WDR72: variants seen among roughly 807,000 people sequenced by gnomAD.
The protein encoded by WDR72 is WD repeat domain 72.
WDR72 carries 120 observed loss-of-function variants against 124.2 expected under a neutral mutation model. The observed-to-expected ratio is 0.97, with a 90% confidence interval of 0.83 to 1.12. WDR72 has a LOEUF of 1.12. WDR72 is among the 50% of genes most tolerant of loss of function. The probability of loss-of-function intolerance (pLI) is 0.00; values close to 1 mark genes in which losing one functional copy is unlikely to be tolerated. For missense variants in WDR72, 1,387 were observed against 1,278.8 expected (o/e 1.08, Z -1.29); for synonymous variants, 452 against 441.7 (o/e 1.02, Z -0.29).
intron 12 of WDR72, among the ~76,000 whole-genome samples, 189 bp downstream of exon 12, chr15:53,701,942 TATA>T (rs937548219): frequency 6.6e-6 from 1 of 152,148 alleles, no homozygotes; most frequent in Admixed American, 6.5e-5. Flanking sequence ...TAATGTAAGT[TATA>T]ATAATACTAC....
chr15:53,571,950 G>T (rs769470333), intron 18 of WDR72, among the ~76,000 whole-genome samples: 8 of 151,934 alleles, frequency 5.3e-5, no homozygotes, highest in Non-Finnish European at 1.2e-4. Context: ...GTTTTGACTT[G>T]CAATTCCCTG....
chr15:53,563,267 C>T lies in WDR72; in HGVS notation c.3148+33812G>A, dbSNP rs1246902944. Reference sequence around the variant, plus strand: ...TTATGATTTAAAGTTAACAAGCAGACTAATTTATTAAATTGGAAATTAGGT... The same window carrying T: ...TTATGATTTAAAGTTAACAAGCAGATTAATTTATTAAATTGGAAATTAGGT... On this transcript the variant is annotated intron_variant, in intron 18 of 19. Coordinates refer to ENST00000360509, the MANE Select transcript of WDR72 (RefSeq NM_182758.4). 2.0e-5 allele frequency among the ~76,000 whole-genome samples: 3 copies of T among 151,646 alleles called. No homozygotes were observed. In the East Asian group the frequency reaches 5.8e-4, roughly 29 times the overall value.
Position 53,733,172 on chromosome 15 carries a change from A to C in WDR72, c.-12-11T>G, listed in dbSNP as rs759244974. 22 of 1,613,166 alleles carry C rather than the reference A, an allele frequency of 1.4e-5. No individual in the cohort carries two copies. The highest frequency in any genetic ancestry group is 1.8e-5 in the Non-Finnish European group (21 of 1,179,864). On this transcript the variant is annotated splice_polypyrimidine_tract_variant and intron_variant, in intron 1 of 19. Transcript: ENST00000360509. ...CATTTTGGGCGAATCCTGACATACA[A>C]AGAAGGGAAGAAGCATACATGGTCA... is the stretch of plus-strand genomic sequence containing the variant.
rs7179406 is a variant in WDR72, at chr15:53,731,377, C to T, written c.153+1620G>A. Among the ~76,000 whole-genome samples, 6 of 152,036 alleles carry T rather than the reference C, an allele frequency of 3.9e-5. No individual in the cohort carries two copies. The East Asian group carries it at 1.2e-3, about 30-fold the overall frequency. Reference sequence around the variant, plus strand: ...TCACCAATCTAATTCCTATTCCCAGCCCATATCTCTATCCCTGGATTTCTC... The same window carrying T: ...TCACCAATCTAATTCCTATTCCCAGTCCATATCTCTATCCCTGGATTTCTC... On this transcript the variant is annotated intron_variant, in intron 2 of 19. Coordinates refer to ENST00000360509, the MANE Select transcript of WDR72 (RefSeq NM_182758.4).
At chr15:53,570,152 A>G (rs1378319634) in intron 18 of WDR72, among the ~76,000 whole-genome samples, 1 of 152,096 alleles carries the variant, frequency 6.6e-6, no homozygotes, top group East Asian at 1.9e-4. Flanking sequence ...ATTTTAAGTG[A>G]CAAATAAAAA....
At chr15:53,641,658 A>G (rs2014855434) in intron 14 of WDR72, among the ~76,000 whole-genome samples, 1 of 151,840 alleles carries the variant, frequency 6.6e-6, no homozygotes, top group Non-Finnish European at 1.5e-5. Flanking sequence ...TCTTTTAGTA[A>G]TTTTTAGAAT....
intron 18 of WDR72, among the ~76,000 whole-genome samples, chr15:53,571,770 A>AT (rs55973676): frequency 1.2e-4 from 18 of 147,942 alleles, no homozygotes; most frequent in Non-Finnish European, 1.6e-4. Flanking sequence ...TCTATTTTTC[A>AT]TTTTTTTTTT....
At chr15:53,623,364 C>T (rs1323898988) in intron 14 of WDR72, among the ~76,000 whole-genome samples, 1 of 152,016 alleles carries the variant, frequency 6.6e-6, no homozygotes, top group Non-Finnish European at 1.5e-5. Flanking sequence ...TGAGAACATG[C>T]AGTATTTGAC....
At chr15:53,737,728 T>C (rs889917455) in intron 1 of WDR72, among the ~76,000 whole-genome samples, 17 of 152,162 alleles carry the variant, frequency 1.1e-4, no homozygotes, top group African/African-American at 4.1e-4. Context: ...ATGTTTCAAT[T>C]AGTAATAAAC....
In WDR72 at chr15:53,715,323, A is replaced by C; in HGVS notation, c.384T>G (p.Leu128=). The change falls in exon 5 of 20, where the codon CTT becomes CTG. Residue 128 remains leucine, a synonymous_variant. Transcript: ENST00000360509. ...SFRMTGEGWL[L]CCGEYQDVLI... The stretch of plus-strand genomic sequence containing the variant: ...GGACATCTTGATATTCTCCACAACA[A>C]AGAAGCCAGCCTTCTCCTGTCATCC... 6.2e-7 allele frequency: 1 copy of C among 1,614,178 alleles called. No homozygotes were observed. The highest frequency in any genetic ancestry group is 8.5e-7 in the Non-Finnish European group (1 of 1,180,016).
intron 18 of WDR72, among the ~76,000 whole-genome samples, chr15:53,556,457 G>T (rs979269393): frequency 6.6e-6 from 1 of 152,172 alleles, no homozygotes; most frequent in African/African-American, 2.4e-5. Flanking sequence ...CTGGAAATCA[G>T]CAGGGTGACA....
At chr15:53,657,699 A>G (rs1238991407) in intron 14 of WDR72, among the ~76,000 whole-genome samples, 1 of 152,190 alleles carries the variant, frequency 6.6e-6, no homozygotes, top group Non-Finnish European at 1.5e-5. Flanking sequence ...AATGATATAA[A>G]TATTTATTCA....
intron 3 of WDR72, among the ~76,000 whole-genome samples, chr15:53,716,943 T>C (rs890722294): frequency 6.6e-6 from 1 of 152,202 alleles, no homozygotes; most frequent in Non-Finnish European, 1.5e-5. Context: ...ATTGTGGGGA[T>C]ACAGCTATCA....
At chr15:53,649,672 T>C (rs191362085) in intron 14 of WDR72, among the ~76,000 whole-genome samples, 21 of 152,256 alleles carry the variant, frequency 1.4e-4, no homozygotes, top group Non-Finnish European at 1.3e-4. Flanking sequence ...TCAAGAAATA[T>C]ATGCAAAATG....
At position 53,714,473 on chromosome 15, in the gene WDR72, G is replaced by C. The variant is rs760375130; in HGVS notation, c.552C>G (p.Leu184=). 1 of 1,613,804 alleles carries C rather than the reference G, an allele frequency of 6.2e-7. No homozygotes were observed. Among genetic ancestry groups the C allele is most frequent in the Non-Finnish European group, 8.5e-7 (1 of 1,179,900 alleles). Reference sequence around the variant, plus strand: ...TAGATGAGGAAAGATCCCATACTTTGAGCTCACCAGCTACTGATACCACCA... The same window carrying C: ...TAGATGAGGAAAGATCCCATACTTTCAGCTCACCAGCTACTGATACCACCA... ...SLLVVSVAGE[L]KVWDLSSSIN... The change falls in exon 6 of 20, where the codon CTC becomes CTG. Residue 184 remains leucine, a synonymous_variant. Transcript: ENST00000360509.
At chr15:53,731,213 C>A (rs1015811779) in intron 2 of WDR72, among the ~76,000 whole-genome samples, 11 of 152,086 alleles carry the variant, frequency 7.2e-5, no homozygotes, top group African/African-American at 2.7e-4. Flanking sequence ...AACTTCTCCA[C>A]GCCTAGGCCC....
At chr15:53,664,079 A>G (rs1302871335) in intron 14 of WDR72, among the ~76,000 whole-genome samples, 1 of 152,104 alleles carries the variant, frequency 6.6e-6, no homozygotes, top group Non-Finnish European at 1.5e-5. Flanking sequence ...AGAAATACAA[A>G]ATTCAGAAAT....
intron 2 of WDR72, among the ~76,000 whole-genome samples, chr15:53,723,517 C>T (rs1250806152): frequency 6.6e-6 from 1 of 152,162 alleles, no homozygotes; most frequent in East Asian, 1.9e-4. Flanking sequence ...GCATTATTCA[C>T]AGCAGCCAAA....
chr15:53,615,170 G>T (rs889057220), intron 15 of WDR72, among the ~76,000 whole-genome samples: 7 of 151,720 alleles, frequency 4.6e-5, no homozygotes, highest in Non-Finnish European at 1.0e-4. Flanking sequence ...TGTCTTTCCT[G>T]GCACATATTA....
Sources: allele counts gnomAD v4.1 joint callset (sites outside exome capture counted in the v4.1 genomes callset), GRCh38; gene constraint gnomAD v4.1.1; transcripts MANE v1.5; gene names NCBI Gene and HGNC (gene_info 2026-07-23, HGNC 2026-07-21).